The following PCDHGA2 variants were observed in gnomAD, a reference collection of about 807,000 sequenced individuals.
PCDHGA2 encodes the protein protocadherin gamma-A2.
PCDHGA2 carries 40 observed loss-of-function variants against 59.2 expected under a neutral mutation model. The observed-to-expected ratio is 0.68, with a 90% CI of 0.52 to 0.88. PCDHGA2 has a LOEUF of 0.88. Among genes scored for constraint, PCDHGA2 ranks in the 40% least tolerant of loss-of-function variants. PCDHGA2 has a pLI of 0.00. For missense variants in PCDHGA2, 1,226 were observed against 1,204.0 expected (o/e 1.02, Z -0.27); for synonymous variants, 560 against 526.0 (o/e 1.06, Z -0.89).
chr5:141,478,870 GT>G, intron 1 of PCDHGA2: 1 of 1,273,360 alleles, frequency 7.9e-7, no homozygotes, highest in Non-Finnish European at 1.0e-6. Context: ...AGCGATCAGA[GT>G]TTAGCTTGGT....
chr5:141,483,661 T>TGTGTGA (rs1357903548), intron 1 of PCDHGA2, among the ~76,000 whole-genome samples: 7 of 152,042 alleles, frequency 4.6e-5, no homozygotes, highest in African/African-American at 1.7e-4. Context: ...TGTGTGTGTG[T>TGTGTGA]GTGTGTGTAA....
rs2154586748 is a variant in PCDHGA2 at position 141,491,733 on chromosome 5, T to A, written c.2425-3074T>A. The A allele has an allele frequency of 6.2e-7, 1 of 1,602,698 alleles. No individual in the cohort carries two copies. Among genetic ancestry groups the A allele is most frequent in the Non-Finnish European group, 8.5e-7 (1 of 1,175,258 alleles). On this transcript the variant is annotated intron_variant, in intron 1 of 3. Transcript: ENST00000394576. The surrounding 1 kb of genome is among the most constrained non-coding windows in gnomAD (Gnocchi z 6.9). ...GCTCGGCGCCGCCCCGGGCGACCCC[T>A]GGGGGCGGCACTGGAGAAGCCGCCC...
At chr5:141,424,036 C>T (rs2096796408) in intron 1 of PCDHGA2, 1 of 1,029,488 alleles carries the variant, frequency 9.7e-7, no homozygotes, top group Non-Finnish European at 1.2e-6. Flanking sequence ...CTTTTTATTT[C>T]CATTTCAATT....
At chr5:141,380,843 G>T (rs1262602096) in intron 1 of PCDHGA2, among the ~76,000 whole-genome samples, 2 of 152,142 alleles carry the variant, frequency 1.3e-5, no homozygotes, top group African/African-American at 4.8e-5. Flanking sequence ...AGGTAAAAAT[G>T]GATCAAGACA....
At chr5:141,453,852 T>A (rs905734700) in intron 1 of PCDHGA2, among the ~76,000 whole-genome samples, 5 of 152,164 alleles carry the variant, frequency 3.3e-5, no homozygotes, top group African/African-American at 1.2e-4. Context: ...ACAGAGCACT[T>A]TGAAAATAAC....
chr5:141,352,154 G>C (rs770780067), intron 1 of PCDHGA2: 20 of 1,612,750 alleles, frequency 1.2e-5, no homozygotes, highest in Non-Finnish European at 1.7e-5. Flanking sequence ...GGGCGACAGG[G>C]ACGCGGCCCG....
chr5:141,355,191 C>A (rs746909575), intron 1 of PCDHGA2: 2 of 1,591,882 alleles, frequency 1.3e-6, no homozygotes, highest in East Asian at 2.2e-5. Context: ...GACTCCGCGG[C>A]GGGGTTGTAA....
At chr5:141,372,022 G>A in intron 1 of PCDHGA2, 1 of 1,613,416 alleles carries the variant, frequency 6.2e-7, no homozygotes, top group Non-Finnish European at 8.5e-7. Context: ...CCTACGCTCA[G>A]CGCCAACGTG....
Position 141,383,159 on chromosome 5 carries a change from CG to C in PCDHGA2, c.2424+41767del, listed in dbSNP as rs546342817. ...CAGCGCAGCGGCAGCTTGGTCACTG[CG>C]GGCAGGATAGACCGGGAAGAGATCT... On this transcript the variant is annotated intron_variant, in intron 1 of 3. Transcript: ENST00000394576. 2.4e-4 allele frequency: 391 copies of C among 1,614,104 alleles called. 5 individuals are homozygous for C. In the South Asian group the frequency reaches 3.9e-3, roughly 16 times the overall value.
At chr5:141,370,305 G>T in intron 1 of PCDHGA2, 2 of 1,206,280 alleles carry the variant, frequency 1.7e-6, no homozygotes, top group Non-Finnish European at 2.3e-6. Context: ...CAAAGACAAA[G>T]CAAATAGTTG....
Position 141,340,069 on chromosome 5 carries a change from T to A in PCDHGA2, c.1098T>A (p.Ile366=). The A allele has an allele frequency of 1.2e-6, 2 of 1,614,080 alleles. No homozygotes were observed. The part of the protein sequence containing the change: ...VSEDSLPGTI[I]GLFNVHDRDS... ...AAGACTCTCTTCCAGGAACCATAAT[T>A]GGGCTTTTTAATGTACATGATAGAG... Residue 366 remains isoleucine (I), a synonymous_variant, in exon 1 of 4, where the codon ATT becomes ATA. Transcript: ENST00000394576.
chr5:141,421,220 A>G (rs1178268746), intron 1 of PCDHGA2: 2 of 1,575,620 alleles, frequency 1.3e-6, no homozygotes, highest in Non-Finnish European at 1.7e-6. Flanking sequence ...ATCGGCTTAG[A>G]GCCTGCCATG....
rs1561863583 is a variant in PCDHGA2, at chr5:141,432,685, C to A, written c.2425-62122C>A. Reference sequence around the variant, plus strand: ...ACAGAGACGCGCTCAAGCAGAGCCTCGTAGTGGCCGTCCAGGACCACGGCC... The same window carrying A: ...ACAGAGACGCGCTCAAGCAGAGCCTAGTAGTGGCCGTCCAGGACCACGGCC... On this transcript the variant is annotated intron_variant, in intron 1 of 3. Transcript: ENST00000394576. The surrounding 1 kb of genome is among the most constrained non-coding windows in gnomAD (Gnocchi z 6.0). 3.7e-6 allele frequency: 6 copies of A among 1,613,932 alleles called. No individual in the cohort carries two copies. Among genetic ancestry groups the A allele is most frequent in the Non-Finnish European group, 5.1e-6 (6 of 1,179,966 alleles).
intron 1 of PCDHGA2, among the ~76,000 whole-genome samples, chr5:141,368,345 A>G (rs1765594153): frequency 6.6e-6 from 1 of 152,166 alleles, no homozygotes; most frequent in South Asian, 2.1e-4. Context: ...ATATACATAT[A>G]CACACACATA....
chr5:141,349,833 T>C (rs1171472394), intron 1 of PCDHGA2, among the ~76,000 whole-genome samples: 1 of 152,180 alleles, frequency 6.6e-6, no homozygotes, highest in Non-Finnish European at 1.5e-5. Flanking sequence ...GCAGTGTACC[T>C]TGTGAATTTT....
chr5:141,389,439 G>A, intron 1 of PCDHGA2: 1 of 1,610,580 alleles, frequency 6.2e-7, no homozygotes. Context: ...GCGCGCCTTC[G>A]ACCACGAGCA....
chr5:141,356,031 G>A (rs759003895), intron 1 of PCDHGA2: 23 of 1,613,836 alleles, frequency 1.4e-5, no homozygotes, highest in Non-Finnish European at 1.6e-5. Flanking sequence ...ATGGAGACGT[G>A]ACGTATTCTT....
rs370299433 is a variant in PCDHGA2 at position 141,476,360 on chromosome 5, G to A, written c.2425-18447G>A. 5.3e-5 allele frequency: 86 copies of A among 1,614,186 alleles called. No homozygotes were observed. The highest frequency in any genetic ancestry group is 6.7e-5 in the Non-Finnish European group (79 of 1,180,042). ...CCGAAGATTCTTTGAGGTGAACCGG[G>A]AGACCGGAGAGATGTTTGTGAACGA... On this transcript the variant is annotated intron_variant, in intron 1 of 3. Transcript: ENST00000394576. This position sits in a 1 kb window ranked among gnomAD's most constrained non-coding sequence, Gnocchi z 7.6.
chr5:141,374,339 A>C, intron 1 of PCDHGA2: 1 of 1,614,006 alleles, frequency 6.2e-7, no homozygotes, highest in Non-Finnish European at 8.5e-7. Context: ...CAGCTTGGTC[A>C]CCGCGGGTAG....
Sources: allele counts gnomAD v4.1 joint callset (sites outside exome capture counted in the v4.1 genomes callset), GRCh38; gene constraint gnomAD v4.1.1; non-coding constraint Gnocchi (gnomAD v3.1); transcripts MANE v1.5; gene names NCBI Gene and HGNC (gene_info 2026-07-23, HGNC 2026-07-21).